COLGALT2: variants seen among roughly 807,000 people sequenced by gnomAD.
The protein encoded by COLGALT2 is collagen beta(1-O)galactosyltransferase 2, also known as procollagen galactosyltransferase 2.
A neutral mutation model predicts 73.4 loss-of-function variants in COLGALT2; 49 were observed. That is an observed-to-expected ratio of 0.67 (90% CI 0.53 to 0.85). The LOEUF is 0.85. COLGALT2 is among the 40% of genes least tolerant of loss of function. The pLI, the probability that COLGALT2 is intolerant of heterozygous loss-of-function variation, is 0.00. For missense variants in COLGALT2, 722 were observed against 790.2 expected, an observed-to-expected ratio of 0.91 and a Z score of 1.03; for synonymous variants, 295 against 307.6, an observed-to-expected ratio of 0.96 and a Z score of 0.43.
chr1:183,947,683 A>G (rs1670287548), intron 8 of COLGALT2, among the ~76,000 whole-genome samples: 1 of 152,184 alleles, frequency 6.6e-6, no homozygotes, highest in South Asian at 2.1e-4. Context: ...CCATCTTAAG[A>G]AACTAGATAA....
intron 1 of COLGALT2, among the ~76,000 whole-genome samples, chr1:184,017,386 G>A (rs1045247122): frequency 2.0e-5 from 3 of 152,138 alleles, no homozygotes; most frequent in Admixed American, 6.6e-5. Context: ...CCCGAGACAA[G>A]TTTCAATTGT....
intron 6 of COLGALT2, among the ~76,000 whole-genome samples, chr1:183,960,537 T>C (rs975519829): frequency 2.0e-5 from 3 of 152,226 alleles, no homozygotes; most frequent in African/African-American, 7.2e-5. Context: ...TATTAAATCA[T>C]ACATACCTGA....
rs1271766299 is a variant in COLGALT2, at chr1:183,938,212, A to ATTTT, written c.*548_*549insAAAA. 39,308 of 525,218 alleles carry ATTTT rather than the reference A, an allele frequency of 0.075. 5,309 individuals carry two copies. Among genetic ancestry groups the ATTTT allele is most frequent in the Admixed American group, 0.25 (3,950 of 15,782 alleles). 32.5% of individuals were successfully genotyped at this position (525,218 alleles called of 1,614,324 possible). ...AGGGACTAAGATTTTTTTTTTTTAAAAAATCTACTTTTCAATAAGACTTGT... is the reference window on the plus strand; with the variant it reads ...AGGGACTAAGATTTTTTTTTTTTAAATTTTAAATCTACTTTTCAATAAGACTTGT... On this transcript the variant is annotated 3_prime_UTR_variant, in exon 12 of 12. Coordinates refer to ENST00000361927, the MANE Select transcript of COLGALT2 (RefSeq NM_015101.4).
At chr1:183,971,498 A>G (rs1048687512) in intron 4 of COLGALT2, among the ~76,000 whole-genome samples, 1 of 152,182 alleles carries the variant, frequency 6.6e-6, no homozygotes, top group Non-Finnish European at 1.5e-5. Flanking sequence ...TCAAAGCACA[A>G]CTCATTAAAA....
chr1:184,027,394 G>T (rs1170174341), intron 1 of COLGALT2, among the ~76,000 whole-genome samples: 1 of 152,152 alleles, frequency 6.6e-6, no homozygotes, highest in African/African-American at 2.4e-5. Flanking sequence ...CCAATTCCTA[G>T]GACCCCGCTG....
intron 1 of COLGALT2, among the ~76,000 whole-genome samples, chr1:184,024,364 T>C (rs1354450785): frequency 2.0e-5 from 3 of 151,842 alleles, no homozygotes; most frequent in African/African-American, 7.3e-5. Flanking sequence ...CTTTTTCTTT[T>C]TTTTTTTTGA....
At chr1:183,949,147 A>T (rs112918746) in intron 8 of COLGALT2, among the ~76,000 whole-genome samples, 5,233 of 152,288 alleles carry the variant, frequency 0.034, 137 homozygotes, top group South Asian at 0.061. Flanking sequence ...GTTAACACGG[A>T]AATATTCTCC....
rs1164606516 is a variant in COLGALT2 at position 184,037,158 on chromosome 1, G to T, written c.200C>A (p.Thr67Lys). The T allele has an allele frequency of 2.5e-6, 4 of 1,603,390 alleles. No individual in the cohort carries two copies. Among genetic ancestry groups the T allele is most frequent in the African/African-American group, 2.7e-5 (2 of 73,952 alleles). The change falls in exon 1 of 12, where the codon ACG becomes AAG. Residue 67 changes from threonine (T) to lysine (K), a missense_variant. Transcript: ENST00000361927. ...VAVLARNAAH[T>K]LPHFLGCLER... ...CAGGCAGCCGAGGAAGTGCGGCAGC[G>T]TGTGCGCCGCGTTGCGGGCGAGGAC... is the stretch of plus-strand genomic sequence containing the variant.
At chr1:183,969,649 C>T (rs1670982560) in intron 4 of COLGALT2, among the ~76,000 whole-genome samples, 176 bp from the exon 5 acceptor site, 1 of 152,152 alleles carries the variant, frequency 6.6e-6, no homozygotes, top group South Asian at 2.1e-4. Flanking sequence ...ACAAGAAATG[C>T]TGTCTACATA....
At chr1:183,973,360 G>A (rs1044563373) in intron 4 of COLGALT2, among the ~76,000 whole-genome samples, 6 of 152,076 alleles carry the variant, frequency 3.9e-5, no homozygotes, top group African/African-American at 1.4e-4. Context: ...TCCTGAATCA[G>A]GAATTGGCTA....
intron 1 of COLGALT2, among the ~76,000 whole-genome samples, chr1:184,001,253 C>G (rs907344796): frequency 5.9e-5 from 9 of 152,004 alleles, no homozygotes; most frequent in African/African-American, 1.9e-4. Context: ...AGGTCTTCTA[C>G]TTTTTTAAAA....
chr1:183,949,891 C>T (rs549887612), intron 8 of COLGALT2, among the ~76,000 whole-genome samples: 7 of 152,068 alleles, frequency 4.6e-5, no homozygotes, highest in Non-Finnish European at 8.8e-5. Flanking sequence ...AACTAGTTTC[C>T]CTGGTCCATG....
intron 1 of COLGALT2, among the ~76,000 whole-genome samples, chr1:183,998,671 T>A (rs1671835530): frequency 6.6e-6 from 1 of 152,126 alleles, no homozygotes; most frequent in Non-Finnish European, 1.5e-5. Flanking sequence ...AGAGAATCAT[T>A]ATCTTTATCA....
intron 1 of COLGALT2, among the ~76,000 whole-genome samples, chr1:183,992,110 C>A (rs960584968): frequency 4.6e-5 from 7 of 152,178 alleles, no homozygotes; most frequent in South Asian, 2.1e-4. Flanking sequence ...AGAACTCTAG[C>A]AACATCTCAT....
chr1:184,024,988 T>C (rs1282362030), intron 1 of COLGALT2, among the ~76,000 whole-genome samples: 4 of 152,230 alleles, frequency 2.6e-5, no homozygotes, highest in African/African-American at 7.2e-5. Context: ...CTGCCTCTCA[T>C]AGGGCAAGGA....
chr1:184,027,281 A>T (rs1031148972), intron 1 of COLGALT2, among the ~76,000 whole-genome samples: 2 of 152,166 alleles, frequency 1.3e-5, no homozygotes, highest in African/African-American at 4.8e-5. Context: ...AAATCCCATG[A>T]TCTGTACTTT....
chr1:183,946,838 T>C (rs1481778028), intron 8 of COLGALT2, among the ~76,000 whole-genome samples: 3 of 152,336 alleles, frequency 2.0e-5, no homozygotes, highest in African/African-American at 7.2e-5. Flanking sequence ...GAGACCATCC[T>C]GGCTAACACG....
At chr1:183,963,221 T>C (rs1476682749) in intron 6 of COLGALT2, among the ~76,000 whole-genome samples, 1 of 152,200 alleles carries the variant, frequency 6.6e-6, no homozygotes, top group Middle Eastern at 3.2e-3. Flanking sequence ...GATAGCAAGA[T>C]GGGTTCAAAT....
intron 1 of COLGALT2, among the ~76,000 whole-genome samples, chr1:184,033,148 C>T (rs921849320): frequency 1.3e-5 from 2 of 152,242 alleles, no homozygotes; most frequent in African/African-American, 4.8e-5. Flanking sequence ...ACAGCAGGCT[C>T]TCCAAAAGAA....
Sources: allele counts gnomAD v4.1 joint callset (sites outside exome capture counted in the v4.1 genomes callset), GRCh38; gene constraint gnomAD v4.1.1; transcripts MANE v1.5; gene names NCBI Gene and HGNC (gene_info 2026-07-23, HGNC 2026-07-21).